The following ERI1 variants were observed in gnomAD, a reference collection of about 807,000 sequenced individuals.
ERI1 encodes 3'-5' exoribonuclease 1.
Under a neutral mutation model 39.7 loss-of-function variants are expected in ERI1, and 39 were observed. The observed-to-expected ratio is 0.98, with a 90% CI of 0.76 to 1.28. The LOEUF is 1.28. ERI1 is among the 50% of genes most tolerant of loss of function. The pLI, the probability that ERI1 is intolerant of heterozygous loss-of-function variation, is 0.00. For missense variants in ERI1, 581 were observed against 416.9 expected, an observed-to-expected ratio of 1.39 and a Z score of -3.43; for synonymous variants, 204 against 149.6, an observed-to-expected ratio of 1.36 and a Z score of -2.65.
rs911191556 is a variant in ERI1 at position 9,098,675 on chromosome 8, C to G, written n.300-17673C>G. 4.6e-5 allele frequency among the ~76,000 whole-genome samples: 7 copies of G among 151,940 alleles called. No homozygotes were observed. The South Asian group carries it at 1.5e-3, about 32-fold the overall frequency. ...AATCACAGAAGTCACCACAAAAGACCTTATTCATGTAACCAAATACCACCT... is the reference window on the plus strand; with the variant it reads ...AATCACAGAAGTCACCACAAAAGACGTTATTCATGTAACCAAATACCACCT... On this transcript the variant is annotated intron_variant and non_coding_transcript_variant, in intron 3 of 3. Transcript: ENST00000518663.
In ERI1 at chr8:9,092,506, C is replaced by G. The variant is rs149545085; in HGVS notation, n.300-23842C>G. 7.2e-3 allele frequency among the ~76,000 whole-genome samples: 1,092 copies of G among 152,294 alleles called. 13 individuals carry two copies. Among genetic ancestry groups the G allele is most frequent in the African/African-American group, 0.024 (1,005 of 41,572 alleles). On this transcript the variant is annotated intron_variant and non_coding_transcript_variant, in intron 3 of 3. Transcript: ENST00000518663. The stretch of plus-strand genomic sequence containing the variant: ...TGAAGATGTCAGGAAATAAGATTTG[C>G]TCTTGTCATGGGTAAACAGATAGGG...
At chr8:9,085,442 C>G (rs1563096354) in intron 3 of ERI1, among the ~76,000 whole-genome samples, 1 of 152,048 alleles carries the variant, frequency 6.6e-6, no homozygotes, top group Non-Finnish European at 1.5e-5. Context: ...CCCCTGACCT[C>G]AAGTAATCAC....
chr8:9,079,661 G>A (rs145555080), intron 3 of ERI1, among the ~76,000 whole-genome samples: 3 of 152,070 alleles, frequency 2.0e-5, no homozygotes, highest in African/African-American at 2.4e-5. Context: ...AATTCCATTC[G>A]ATCTTTGTTA....
intron 3 of ERI1, among the ~76,000 whole-genome samples, chr8:9,076,152 C>T (rs903176650): frequency 6.6e-6 from 1 of 152,140 alleles, no homozygotes; most frequent in South Asian, 2.1e-4. Flanking sequence ...ACTTATTGCC[C>T]AAGCTGGTCT....
At position 9,002,946 on chromosome 8, in the gene ERI1, C is replaced by T. The variant is rs1229576500; in HGVS notation, c.-118C>T. 4.1e-6 allele frequency: 3 copies of T among 740,380 alleles called. No homozygotes were observed. The highest frequency in any genetic ancestry group is 7.2e-5 in the South Asian group (1 of 13,898). The allele number at this position is 740,380 out of a possible 1,614,324, so 45.9% of individuals were successfully genotyped here. A position where few individuals can be genotyped will look rare whatever the true frequency, so the allele number is the denominator to read the frequency against. ...GCCGCTGGAGTTTGTGTGGCCGCCG[C>T]CGCGGGAACGCGAGCCCGGTAATTT... is the stretch of plus-strand genomic sequence containing the variant. On this transcript the variant is annotated 5_prime_UTR_variant, in exon 1 of 7. Coordinates refer to ENST00000250263, the MANE Select transcript of ERI1 (RefSeq NM_153332.4).
At chr8:9,018,549 A>C (rs1279876339) in intron 5 of ERI1, 143 bp downstream of exon 5, 1 of 534,722 alleles carries the variant, frequency 1.9e-6, no homozygotes, top group Non-Finnish European at 3.3e-6. Context: ...TTTTCCTTTC[A>C]CCTAAGGATG....
At chr8:9,096,745 G>A (rs1033091268) in intron 3 of ERI1, 1 of 108,434 alleles carries the variant, frequency 9.2e-6, no homozygotes, top group African/African-American at 3.5e-5. Flanking sequence ...CTTTTCAGAC[G>A]GGATCTCACT....
chr8:9,029,343 T>G (rs1366417932), intron 6 of ERI1, among the ~76,000 whole-genome samples: 5 of 152,160 alleles, frequency 3.3e-5, no homozygotes, highest in Non-Finnish European at 4.4e-5. Flanking sequence ...ATTTCAGGGT[T>G]TTTTTGATGG....
At chr8:9,004,012 G>C in intron 1 of ERI1, 1 of 1,134,468 alleles carries the variant, frequency 8.8e-7, no homozygotes, top group Non-Finnish European at 1.2e-6. Flanking sequence ...TGCTCTGCGG[G>C]GTCGGGTGCC....
Position 9,030,229 on chromosome 8 carries a change from CT to C in ERI1, c.*199del, listed in dbSNP as rs1797491943. On this transcript the variant is annotated 3_prime_UTR_variant, in exon 7 of 7. Transcript: ENST00000250263. Reference sequence around the variant, plus strand: ...CATACTGAATTCTTTGTCACCAGCACTTTTGATATGAACAGTATTCGTTACA... The same window carrying C: ...CATACTGAATTCTTTGTCACCAGCACTTTGATATGAACAGTATTCGTTACA... The C allele has an allele frequency of 3.0e-6, 2 of 658,210 alleles. No homozygotes were observed. The highest frequency in any genetic ancestry group is 5.1e-6 in the Non-Finnish European group (2 of 395,704). 40.8% of individuals were successfully genotyped at this position (658,210 alleles called of 1,614,324 possible). A position where few individuals can be genotyped will look rare whatever the true frequency, so the allele number is the denominator to read the frequency against.
Position 9,018,253 on chromosome 8 carries a change from A to G in ERI1, c.583-44A>G, listed in dbSNP as rs758670770. 21 of 1,141,080 alleles carry G rather than the reference A, an allele frequency of 1.8e-5. No homozygotes were observed. In the Middle Eastern group the frequency reaches 6.0e-4, roughly 33 times the overall value. The allele number at this position is 1,141,080 out of a possible 1,614,324, so 70.7% of individuals were successfully genotyped here. On this transcript the variant is annotated intron_variant, in intron 4 of 6. Transcript: ENST00000250263. ...CTGGGTATTTTGTAGGTCTACGTGA[A>G]GCTGCAGCCCTGATTTTTGTATATT...
At chr8:9,082,358 A>C (rs999850098) in intron 3 of ERI1, among the ~76,000 whole-genome samples, 1 of 152,222 alleles carries the variant, frequency 6.6e-6, no homozygotes, top group Non-Finnish European at 1.5e-5. Context: ...TGAGTTGCCA[A>C]GTCACCAGTA....
At position 9,026,898 on chromosome 8, in the gene ERI1, A is replaced by T. The variant is rs115388457; in HGVS notation, c.808-2894A>T. On this transcript the variant is annotated intron_variant, in intron 6 of 6. Coordinates refer to ENST00000250263, the MANE Select transcript of ERI1 (RefSeq NM_153332.4). ...CCATTGATTGTTTGATGGACATTTA[A>T]GTTACTTCCATGTTTTGGCAATCAT... Among the ~76,000 whole-genome samples the T allele has an allele frequency of 3.3e-3, 501 of 152,304 alleles. 1 individual carries two copies. The highest frequency in any genetic ancestry group is 0.011 in the African/African-American group (474 of 41,560).
chr8:9,054,196 G>C (rs973012035), intron 3 of ERI1, among the ~76,000 whole-genome samples: 12 of 152,178 alleles, frequency 7.9e-5, no homozygotes, highest in Non-Finnish European at 1.5e-4. Flanking sequence ...TGGTGTTTTA[G>C]AGCACATTTT....
intron 3 of ERI1, among the ~76,000 whole-genome samples, chr8:9,091,935 AC>A (rs1170329922): frequency 9.9e-5 from 15 of 152,186 alleles, no homozygotes; most frequent in African/African-American, 3.4e-4. Flanking sequence ...TTCTGAACTT[AC>A]GCTGAAGTGT....
At chr8:9,064,013 C>T (rs1357443313) in intron 3 of ERI1, among the ~76,000 whole-genome samples, 2 of 150,592 alleles carry the variant, frequency 1.3e-5, no homozygotes, top group South Asian at 4.2e-4. Context: ...TCTTACCCTC[C>T]AGAAAAGCAG....
intron 6 of ERI1, among the ~76,000 whole-genome samples, chr8:9,021,116 G>C (rs1430931009): frequency 6.6e-6 from 1 of 152,036 alleles, no homozygotes; most frequent in Non-Finnish European, 1.5e-5. Context: ...TTCAGTCAGA[G>C]CACTCAGTGT....
chr8:9,063,067 A>G (rs1484877115), intron 3 of ERI1, among the ~76,000 whole-genome samples: 1 of 152,096 alleles, frequency 6.6e-6, no homozygotes, highest in Non-Finnish European at 1.5e-5. Context: ...ATTATTGTAC[A>G]CCTTGAAGGC....
At chr8:9,006,104 T>G (rs1024775261) in intron 1 of ERI1, among the ~76,000 whole-genome samples, 7 of 152,236 alleles carry the variant, frequency 4.6e-5, no homozygotes, top group Non-Finnish European at 1.0e-4. Context: ...GTAAACTAAT[T>G]TTGTCTTTCT....
Sources: allele counts gnomAD v4.1 joint callset (sites outside exome capture counted in the v4.1 genomes callset), GRCh38; gene constraint gnomAD v4.1.1; transcripts MANE v1.5; gene names NCBI Gene and HGNC (gene_info 2026-07-23, HGNC 2026-07-21).